RANBP17: variants seen among roughly 807,000 people sequenced by gnomAD.
RANBP17 encodes the protein ran-binding protein 17.
Under a neutral mutation model 141.2 loss-of-function variants are expected in RANBP17, and 158 were observed. That is an observed-to-expected ratio of 1.12 (90% CI 0.98 to 1.28). RANBP17 has a LOEUF of 1.28. Ranked by LOEUF, RANBP17 falls within the 50% of genes most tolerant of loss-of-function variation. RANBP17 has a pLI of 0.00. For missense variants in RANBP17, 1,438 were observed against 1,290.7 expected (o/e 1.11, Z -1.75); for synonymous variants, 430 against 450.0 (o/e 0.96, Z 0.56).
chr5:171,188,924 G>A (rs1761446220), intron 18 of RANBP17, among the ~76,000 whole-genome samples: 1 of 152,170 alleles, frequency 6.6e-6, no homozygotes, highest in Non-Finnish European at 1.5e-5. Flanking sequence ...ATTGCTTAAT[G>A]TAAACTATGA....
intron 14 of RANBP17, among the ~76,000 whole-genome samples, chr5:171,099,011 A>G (rs1786918984): frequency 6.6e-6 from 1 of 152,090 alleles, no homozygotes; most frequent in Non-Finnish European, 1.5e-5. Flanking sequence ...TTTTGGTTAC[A>G]GTAGCCTTGC....
intron 14 of RANBP17, among the ~76,000 whole-genome samples, chr5:171,059,401 C>A (rs1018492893): frequency 4.6e-5 from 7 of 152,204 alleles, no homozygotes; most frequent in African/African-American, 1.7e-4. Context: ...GTTTTCCCAG[C>A]ACCATTTATT....
chr5:171,155,321 A>C (rs1758824065), intron 14 of RANBP17, among the ~76,000 whole-genome samples: 1 of 151,830 alleles, frequency 6.6e-6, no homozygotes, highest in Non-Finnish European at 1.5e-5. Flanking sequence ...GAGGTAGAGA[A>C]AGTAGCCATA....
chr5:171,210,445 A>G (rs1283619535), intron 20 of RANBP17, among the ~76,000 whole-genome samples: 4 of 152,094 alleles, frequency 2.6e-5, no homozygotes, highest in Non-Finnish European at 4.4e-5. Flanking sequence ...GCTCTGAAAA[A>G]TATCCTGGTC....
intron 13 of RANBP17, among the ~76,000 whole-genome samples, chr5:170,966,226 C>T (rs62393884): frequency 6.6e-6 from 1 of 151,944 alleles, no homozygotes; most frequent in South Asian, 2.1e-4. Flanking sequence ...CAAAGCCGGG[C>T]AGAGACACAA....
At chr5:170,916,126 A>G (rs1771934176) in intron 8 of RANBP17, among the ~76,000 whole-genome samples, 2 of 140,568 alleles carry the variant, frequency 1.4e-5, no homozygotes, top group East Asian at 4.2e-4. Flanking sequence ...ATATTGCATT[A>G]TCATGCGTTA....
At chr5:171,107,328 T>C (rs1463973346) in intron 14 of RANBP17, among the ~76,000 whole-genome samples, 3 of 152,228 alleles carry the variant, frequency 2.0e-5, no homozygotes, top group Non-Finnish European at 2.9e-5. Context: ...AGAACTATAC[T>C]ATATTGAAGA....
chr5:170,937,169 A>G (rs1773950559), intron 12 of RANBP17, among the ~76,000 whole-genome samples: 1 of 152,180 alleles, frequency 6.6e-6, no homozygotes, highest in South Asian at 2.1e-4. Context: ...ATTTCCTTAG[A>G]ATGGGAGTTT....
At position 171,062,779 on chromosome 5, in the gene RANBP17, C is replaced by T. The variant is rs570871552; in HGVS notation, c.1710+94402C>T. Among the ~76,000 whole-genome samples the T allele has an allele frequency of 5.4e-3, 822 of 152,278 alleles. 11 individuals carry two copies. The highest frequency in any genetic ancestry group is 0.019 in the African/African-American group (792 of 41,558). On this transcript the variant is annotated intron_variant, in intron 14 of 27. Transcript: ENST00000523189. ...TTTTCCAACTTGTTTCCATTCTCCC[C>T]GTCACTTTCAGGTACACCAATCAGA...
chr5:170,923,135 T>C (rs1329376510), intron 11 of RANBP17, among the ~76,000 whole-genome samples: 1 of 152,196 alleles, frequency 6.6e-6, no homozygotes, highest in Non-Finnish European at 1.5e-5. Flanking sequence ...TTTATTGTCT[T>C]AGAATTTACA....
At chr5:170,967,480 G>T (rs1230400354) in intron 13 of RANBP17, among the ~76,000 whole-genome samples, 1 of 151,760 alleles carries the variant, frequency 6.6e-6, no homozygotes, top group Non-Finnish European at 1.5e-5. Flanking sequence ...TCATCCACCA[G>T]AAAATTTTAA....
intron 22 of RANBP17, among the ~76,000 whole-genome samples, chr5:171,238,789 CCT>C: frequency 6.6e-6 from 1 of 152,162 alleles, no homozygotes; most frequent in East Asian, 1.9e-4. Flanking sequence ...AGAGTACAGT[CCT>C]CTGTTTACAA....
chr5:171,155,078 G>GCAAAAAAA, intron 14 of RANBP17, among the ~76,000 whole-genome samples: 1 of 75,038 alleles, frequency 1.3e-5, no homozygotes. Context: ...ACTCCATCTA[G>GCAAAAAAA]AAAAAAAAAA....
intron 1 of RANBP17, among the ~76,000 whole-genome samples, chr5:170,868,177 C>A (rs1213621698): frequency 6.6e-6 from 1 of 152,112 alleles, no homozygotes; most frequent in Non-Finnish European, 1.5e-5. Flanking sequence ...TTTGGAAGAT[C>A]CTTATTTAGA....
intron 14 of RANBP17, among the ~76,000 whole-genome samples, chr5:171,098,970 A>T (rs893844420): frequency 3.3e-5 from 5 of 152,130 alleles, no homozygotes; most frequent in South Asian, 2.1e-4. Context: ...CATTTGGTCT[A>T]TATATCTGTT....
chr5:171,138,209 A>G (rs1270979813), intron 14 of RANBP17, among the ~76,000 whole-genome samples: 1 of 152,184 alleles, frequency 6.6e-6, no homozygotes, highest in African/African-American at 2.4e-5. Context: ...CCTCTGAAAC[A>G]ACAATAAAGC....
chr5:170,937,461 G>A (rs1773975140), intron 12 of RANBP17, among the ~76,000 whole-genome samples: 1 of 152,118 alleles, frequency 6.6e-6, no homozygotes, highest in African/African-American at 2.4e-5. Flanking sequence ...TTGTTTCTGT[G>A]CCTGTAACTC....
intron 8 of RANBP17, among the ~76,000 whole-genome samples, chr5:170,916,067 G>C (rs572398493): frequency 1.3e-5 from 2 of 150,844 alleles, no homozygotes; most frequent in African/African-American, 4.9e-5. Context: ...TTTTTATATT[G>C]CATTATAATG....
chr5:170,944,107 T>C (rs1774559423), intron 12 of RANBP17, among the ~76,000 whole-genome samples: 1 of 152,170 alleles, frequency 6.6e-6, no homozygotes, highest in Non-Finnish European at 1.5e-5. Context: ...CCGTATAGTA[T>C]TTTTCTTTCT....
Sources: allele counts gnomAD v4.1 joint callset (sites outside exome capture counted in the v4.1 genomes callset), GRCh38; gene constraint gnomAD v4.1.1; transcripts MANE v1.5; gene names NCBI Gene and HGNC (gene_info 2026-07-23, HGNC 2026-07-21).